Variants in CNTNAP2 observed in about 807,000 individuals in gnomAD.
CNTNAP2 encodes the protein contactin associated protein 2.
In CNTNAP2, 98 loss-of-function variants were observed where a neutral mutation model predicts 155.2. That is an observed-to-expected ratio of 0.63 (90% CI 0.54 to 0.75). The LOEUF is 0.75. Ranked by LOEUF, CNTNAP2 falls within the 30% of genes least tolerant of loss-of-function variation. The pLI is 0.00. For missense variants in CNTNAP2, 1,727 were observed against 1,688.1 expected, an observed-to-expected ratio of 1.02 and a Z score of -0.40; for synonymous variants, 651 against 631.2, an observed-to-expected ratio of 1.03 and a Z score of -0.47.
chr7:147,172,852 C>A (rs1430904545), intron 8 of CNTNAP2, among the ~76,000 whole-genome samples: 1 of 152,126 alleles, frequency 6.6e-6, no homozygotes, highest in East Asian at 1.9e-4. Flanking sequence ...ACTACAAGGG[C>A]AGGTGAGATA....
intron 1 of CNTNAP2, among the ~76,000 whole-genome samples, chr7:146,721,838 A>ACATATATATTC (rs1801335542): frequency 1.0e-5 from 1 of 98,508 alleles, no homozygotes; most frequent in African/African-American, 7.6e-5. Context: ...TATATAGTCT[A>ACATATATATTC]TATATATATT....
chr7:146,348,353 A>G (rs1050384034), intron 1 of CNTNAP2, among the ~76,000 whole-genome samples: 23 of 152,150 alleles, frequency 1.5e-4, no homozygotes, highest in Admixed American at 1.4e-3. Context: ...TGAACCTGGG[A>G]AGTGAAGGTT....
At chr7:146,281,049 C>G (rs962706733) in intron 1 of CNTNAP2, among the ~76,000 whole-genome samples, 6 of 152,136 alleles carry the variant, frequency 3.9e-5, no homozygotes, top group African/African-American at 1.4e-4. Flanking sequence ...TGAGGGTTGA[C>G]CTACAAGAAT....
chr7:146,199,283 G>T (rs930188187), intron 1 of CNTNAP2, among the ~76,000 whole-genome samples: 22 of 152,148 alleles, frequency 1.4e-4, no homozygotes, highest in Admixed American at 6.5e-5. Flanking sequence ...AGAAATAGCA[G>T]ATATAATTGT....
chr7:147,647,341 G>A (rs370323421), intron 13 of CNTNAP2, among the ~76,000 whole-genome samples: 3 of 151,514 alleles, frequency 2.0e-5, no homozygotes, highest in Non-Finnish European at 2.9e-5. Flanking sequence ...GAGATAAAGA[G>A]AGACTCCACT....
intron 4 of CNTNAP2, among the ~76,000 whole-genome samples, chr7:147,048,989 A>G (rs891759898): frequency 2.0e-5 from 3 of 152,326 alleles, no homozygotes; most frequent in African/African-American, 4.8e-5. Context: ...CTATAACAGA[A>G]TATCTGAGAC....
At chr7:147,865,069 T>C (rs1017233672) in intron 13 of CNTNAP2, among the ~76,000 whole-genome samples, 1 of 152,204 alleles carries the variant, frequency 6.6e-6, no homozygotes, top group Non-Finnish European at 1.5e-5. Context: ...GGGTTTGTCA[T>C]AAATAGCTCT....
chr7:146,729,902 C>A (rs1454981861), intron 1 of CNTNAP2, among the ~76,000 whole-genome samples: 2 of 152,114 alleles, frequency 1.3e-5, no homozygotes, highest in Non-Finnish European at 1.5e-5. Context: ...GACAGTAGAG[C>A]TAATTTAAAA....
At chr7:146,605,289 A>G (rs115155196) in intron 1 of CNTNAP2, among the ~76,000 whole-genome samples, 1,513 of 151,196 alleles carry the variant, frequency 0.01, 33 homozygotes, top group African/African-American at 0.035. Flanking sequence ...CATATCTCAT[A>G]TTATCAGATG....
intron 21 of CNTNAP2, among the ~76,000 whole-genome samples, chr7:148,301,575 T>C (rs931891089): frequency 6.6e-6 from 1 of 152,192 alleles, no homozygotes; most frequent in East Asian, 1.9e-4. Flanking sequence ...TTCTAGTTAA[T>C]GTTTTAAGTA....
intron 21 of CNTNAP2, among the ~76,000 whole-genome samples, chr7:148,310,195 T>C (rs796320721): frequency 6.6e-6 from 1 of 152,002 alleles, no homozygotes; most frequent in Non-Finnish European, 1.5e-5. Flanking sequence ...TCCAAGGGGG[T>C]TCAGCATAAT....
At chr7:146,842,686 T>C (rs11972449) in intron 3 of CNTNAP2, among the ~76,000 whole-genome samples, 48,923 of 151,828 alleles carry the variant, frequency 0.32, 8,400 homozygotes, top group African/African-American at 0.45. Context: ...GGGTGTCACA[T>C]ACTTTTTTAT....
intron 12 of CNTNAP2, among the ~76,000 whole-genome samples, chr7:147,604,160 T>G (rs1024244654): frequency 1.6e-4 from 24 of 151,950 alleles, no homozygotes; most frequent in African/African-American, 5.8e-4. Context: ...GACATAGGCG[T>G]GGGCAAGGAC....
At chr7:146,984,498 T>C (rs1164619058) in intron 3 of CNTNAP2, among the ~76,000 whole-genome samples, 1 of 152,136 alleles carries the variant, frequency 6.6e-6, no homozygotes, top group Non-Finnish European at 1.5e-5. Context: ...TGTTCCACTT[T>C]ATATTCTCCC....
At chr7:148,330,262 G>A (rs62637532) in intron 21 of CNTNAP2, among the ~76,000 whole-genome samples, 24,708 of 150,872 alleles carry the variant, frequency 0.16, 2,305 homozygotes, top group South Asian at 0.33. Context: ...TGGAGTGGAC[G>A]GATGGATGTA....
chr7:147,489,946 T>C (rs963365418), intron 11 of CNTNAP2, among the ~76,000 whole-genome samples: 3 of 152,204 alleles, frequency 2.0e-5, no homozygotes, highest in Non-Finnish European at 2.9e-5. Flanking sequence ...TAGTTCCTTG[T>C]GTGGAACTGC....
At chr7:147,871,270 G>C (rs760395188) in intron 13 of CNTNAP2, among the ~76,000 whole-genome samples, 2 of 152,150 alleles carry the variant, frequency 1.3e-5, no homozygotes, top group South Asian at 2.1e-4. Flanking sequence ...AGGGAAATTA[G>C]GTAACTAGTC....
intron 8 of CNTNAP2, among the ~76,000 whole-genome samples, chr7:147,136,255 CT>C (rs974735429): frequency 2.0e-5 from 3 of 151,848 alleles, no homozygotes; most frequent in African/African-American, 7.2e-5. Context: ...TAAACAAAGC[CT>C]TTCCAAAAAG....
chr7:146,700,196 C>T (rs1263539279), intron 1 of CNTNAP2, among the ~76,000 whole-genome samples: 1 of 151,998 alleles, frequency 6.6e-6, no homozygotes, highest in Non-Finnish European at 1.5e-5. Flanking sequence ...AGTCAATTAT[C>T]CCTTCAGTTT....
Sources: gnomAD v4.1 joint callset for allele counts (sites outside exome capture counted in the v4.1 genomes callset) on GRCh38, gnomAD v4.1.1 for gene constraint, MANE v1.5 for transcripts, NCBI Gene and HGNC (gene_info 2026-07-23, HGNC 2026-07-21) for gene names.